OSBPL1A: variants seen among roughly 807,000 people sequenced by gnomAD.
The protein encoded by OSBPL1A is oxysterol-binding protein-related protein 1.
In OSBPL1A, 80 loss-of-function variants were observed where a neutral mutation model predicts 137.1. That is an observed-to-expected ratio of 0.58 (90% CI 0.49 to 0.70). OSBPL1A has a LOEUF of 0.70. Ranked by LOEUF, OSBPL1A falls within the 30% of genes least tolerant of loss-of-function variation. The probability of loss-of-function intolerance (pLI) is 0.00; values close to 1 mark genes in which losing one functional copy is unlikely to be tolerated. For synonymous variants in OSBPL1A, 365 were observed against 389.7 expected (o/e 0.94, Z 0.75); for missense variants, 970 against 1,129.4 (o/e 0.86, Z 2.02).
intron 14 of OSBPL1A, among the ~76,000 whole-genome samples, chr18:24,299,379 T>G (rs1249136185): frequency 6.6e-6 from 1 of 152,220 alleles, no homozygotes; most frequent in East Asian, 1.9e-4. Context: ...ATTGAGCTTT[T>G]GTTTCACAAT....
chr18:24,385,876 A>C (rs1010871758), intron 1 of OSBPL1A, among the ~76,000 whole-genome samples: 1 of 152,218 alleles, frequency 6.6e-6, no homozygotes, highest in Non-Finnish European at 1.5e-5. Flanking sequence ...GCATGTTTAA[A>C]GATTGTAAGG....
chr18:24,303,016 A>G (rs958246388), intron 14 of OSBPL1A, among the ~76,000 whole-genome samples: 3 of 151,136 alleles, frequency 2.0e-5, no homozygotes, highest in Non-Finnish European at 4.4e-5. Context: ...TGTGTGTGAG[A>G]GAGAGACAGA....
intron 4 of OSBPL1A, among the ~76,000 whole-genome samples, chr18:24,362,286 G>A (rs1568053988): frequency 6.6e-6 from 1 of 151,932 alleles, no homozygotes; most frequent in Non-Finnish European, 1.5e-5. Context: ...GGCAAATCGA[G>A]CCATCTGCAG....
At chr18:24,341,790 G>A in intron 4 of OSBPL1A, 132 bp from the exon 5 acceptor site, 1 of 523,264 alleles carries the variant, frequency 1.9e-6, no homozygotes, top group South Asian at 3.3e-5. Context: ...ATCACGTTAT[G>A]TCTATAATAA....
chr18:24,213,873 ATTTTCT>A (rs2087616569), intron 17 of OSBPL1A, among the ~76,000 whole-genome samples: 1 of 152,202 alleles, frequency 6.6e-6, no homozygotes, highest in African/African-American at 2.4e-5. Context: ...AACACAGTAC[ATTTTCT>A]TTTTATTTCT....
intron 13 of OSBPL1A, among the ~76,000 whole-genome samples, chr18:24,305,572 C>T (rs927632427): frequency 6.6e-6 from 1 of 152,128 alleles, no homozygotes; most frequent in African/African-American, 2.4e-5. Context: ...AACTAAAAAT[C>T]AATTTATGAA....
chr18:24,333,034 G>A lies in OSBPL1A; in HGVS notation c.533C>T (p.Thr178Ile). 6.2e-7 allele frequency: 1 copy of A among 1,614,160 alleles called. No individual in the cohort carries two copies. Among genetic ancestry groups the A allele is most frequent in the Non-Finnish European group, 8.5e-7 (1 of 1,179,992 alleles). Residue 178 changes from threonine (T) to isoleucine (I), a missense_variant, in exon 7 of 28, where the codon ACA becomes ATA. Physicochemically the swap from Thr to Ile is moderately conservative, Grantham distance 89 (BLOSUM62 -1). This residue lies in a region of OSBPL1A where 647 missense variants were observed against 672.6 expected (regional missense o/e 0.96). Transcript: ENST00000319481. Reference protein sequence around the residue: ...DVNCSDQLGNTPLHCAAYRAH... With the variant: ...DVNCSDQLGNIPLHCAAYRAH... ...CCGGTAAGCTGCACAATGCAAGGGT[G>A]TATTTCCTAACTGATCCGAACAGTT... is the stretch of plus-strand genomic sequence containing the variant.
intron 4 of OSBPL1A, among the ~76,000 whole-genome samples, chr18:24,349,454 A>G (rs2091400728): frequency 6.6e-6 from 1 of 152,214 alleles, no homozygotes; most frequent in Admixed American, 6.5e-5. Context: ...TAAAATTCTT[A>G]ACCATTAAAA....
At chr18:24,167,523 A>G (rs1390114720) in intron 24 of OSBPL1A, 78 bp from the exon 25 acceptor site, 1 of 1,146,854 alleles carries the variant, frequency 8.7e-7, no homozygotes, top group African/African-American at 1.5e-5. Context: ...TGACATTTTC[A>G]GTCAACAACA....
chr18:24,207,818 T>A (rs923551706), intron 17 of OSBPL1A, among the ~76,000 whole-genome samples: 3 of 152,242 alleles, frequency 2.0e-5, no homozygotes, highest in African/African-American at 7.2e-5. Flanking sequence ...CAGTCTTGGC[T>A]CACTGCATCC....
rs1199546584 is a variant in OSBPL1A at position 24,170,376 on chromosome 18, T to C, written c.2369A>G (p.Tyr790Cys). The change falls in exon 24 of 28, where the codon TAC (tyrosine) becomes TGC (cysteine). Residue 790 changes from tyrosine (Y) to cysteine (C), a missense_variant. By Grantham distance (194) the Tyr-to-Cys change is radical. Around this residue, in one of 2 missense-constraint regions of OSBPL1A, gnomAD observed 323 missense variants for 456.8 expected, o/e 0.71. Coordinates refer to ENST00000319481, the MANE Select transcript of OSBPL1A (RefSeq NM_080597.4). ...YSVDPATFDA[Y>C]KKNDKKNTEE... ...TGTATTTTTCTTATCATTTTTTTTG[T>C]AAGCGTCAAACGTGGCAGGGTCAAC... The C allele has an allele frequency of 6.2e-7, 1 of 1,614,060 alleles. No homozygotes were observed. The highest frequency in any genetic ancestry group is 1.3e-5 in the African/African-American group (1 of 74,926).
chr18:24,173,903 T>G (rs892257879), intron 21 of OSBPL1A, among the ~76,000 whole-genome samples: 1 of 152,202 alleles, frequency 6.6e-6, no homozygotes, highest in Non-Finnish European at 1.5e-5. Context: ...CCACTCCTAA[T>G]CCCTGGATCT....
At chr18:24,287,953 G>A (rs1312474440) in intron 14 of OSBPL1A, among the ~76,000 whole-genome samples, 2 of 152,200 alleles carry the variant, frequency 1.3e-5, no homozygotes, top group South Asian at 2.1e-4. Context: ...CCAGTGCCCT[G>A]TACGACAGGC....
intron 1 of OSBPL1A, among the ~76,000 whole-genome samples, chr18:24,391,632 A>C (rs1907366989): frequency 6.6e-6 from 1 of 151,810 alleles, no homozygotes; most frequent in Non-Finnish European, 1.5e-5. Context: ...GGGAGGCTGA[A>C]GCAGGAGGAC....
intron 5 of OSBPL1A, among the ~76,000 whole-genome samples, chr18:24,339,818 G>A (rs1162202453): frequency 6.6e-6 from 1 of 152,144 alleles, no homozygotes; most frequent in African/African-American, 2.4e-5. Context: ...GATAAGCAGA[G>A]GGTTCATTTT....
intron 4 of OSBPL1A, among the ~76,000 whole-genome samples, chr18:24,362,213 T>C (rs1021286878): frequency 3.3e-5 from 5 of 151,950 alleles, no homozygotes; most frequent in Non-Finnish European, 7.4e-5. Context: ...TAGAATTTTC[T>C]TAGGTATATA....
At chr18:24,380,975 A>C (rs1289210617) in intron 1 of OSBPL1A, among the ~76,000 whole-genome samples, 1 of 151,918 alleles carries the variant, frequency 6.6e-6, no homozygotes, top group Admixed American at 6.6e-5. Context: ...AAAAGAAAAG[A>C]AAAAAGAAAA....
chr18:24,171,565 T>G, intron 22 of OSBPL1A, 67 bp from the exon 23 acceptor site: 1 of 1,243,584 alleles, frequency 8.0e-7, no homozygotes, highest in Non-Finnish European at 1.2e-6. Context: ...AAAATAACTG[T>G]GATCACTTTT....
intron 23 of OSBPL1A, 78 bp downstream of exon 23, chr18:24,171,331 C>T (rs1028916362): frequency 1.8e-5 from 21 of 1,161,650 alleles, no homozygotes; most frequent in Admixed American, 1.5e-4. Context: ...TGTGCCCAGC[C>T]GACAATGTAT....
Sources: allele counts gnomAD v4.1 joint callset (sites outside exome capture counted in the v4.1 genomes callset), GRCh38; gene constraint gnomAD v4.1.1; regional missense constraint gnomAD v4.1.1; transcripts MANE v1.5; gene names NCBI Gene and HGNC (gene_info 2026-07-23, HGNC 2026-07-21).